GABRE: variants seen among roughly 807,000 people sequenced by gnomAD.
The protein encoded by GABRE is gamma-aminobutyric acid receptor subunit epsilon.
Under a neutral mutation model 31.0 loss-of-function variants are expected in GABRE, and 20 were observed. The ratio of observed to expected loss-of-function variants is 0.64; its 90% CI spans 0.45 to 0.94. GABRE has a LOEUF of 0.94. Ranked by LOEUF, GABRE falls within the 40% of genes least tolerant of loss-of-function variation. GABRE has a pLI of 0.00. For synonymous variants in GABRE, 155 were observed against 150.6 expected (o/e 1.03, Z -0.21); for missense variants, 420 against 410.7 (o/e 1.02, Z -0.20).
intron 5 of GABRE, among the ~76,000 whole-genome samples, chrX:151,960,932 G>A (rs1217532160): frequency 9.0e-6 from 1 of 111,640 alleles, no homozygotes; most frequent in Non-Finnish European, 1.9e-5. Flanking sequence ...CACTTGTTTT[G>A]GTGGTAGAGG....
intron 3 of GABRE, among the ~76,000 whole-genome samples, chrX:151,965,440 T>C (rs1300499527): frequency 9.0e-6 from 1 of 111,215 alleles, no homozygotes; most frequent in African/African-American, 3.3e-5. Context: ...AAAAAAACCC[T>C]ACTGCAATAG....
At chrX:151,964,716 T>TG (rs1330444371) in intron 3 of GABRE, among the ~76,000 whole-genome samples, 2 of 111,854 alleles carry the variant, frequency 1.8e-5, no homozygotes, top group East Asian at 5.6e-4. Flanking sequence ...AGCTTTTATT[T>TG]GGGGAGCACC....
rs74871311 is a variant in GABRE at position 151,955,510 on chromosome X, G to A, written c.995C>T (p.Pro332Leu). ...TLGTFSRKNF[P>L]RVSYITALDF... ...CAAGGCTGTGATATAGGAGACACGC[G>A]GGAAATTCTTACGAGAAAAGGTGCC... The change falls in exon 8 of 9, where the codon CCG becomes CTG. Residue 332 changes from proline to leucine, a missense_variant. By Grantham distance (98) the Pro-to-Leu change is moderately conservative (BLOSUM62 -3). Coordinates refer to ENST00000370328, the MANE Select transcript of GABRE (RefSeq NM_004961.4). 12 of 1,210,233 alleles carry A rather than the reference G, an allele frequency of 9.9e-6. No homozygotes were observed. Among genetic ancestry groups the A allele is most frequent in the South Asian group, 1.8e-5 (1 of 56,840 alleles).
chrX:151,961,059 A>G (rs1187751964), intron 5 of GABRE, among the ~76,000 whole-genome samples: 1 of 111,459 alleles, frequency 9.0e-6, no homozygotes, highest in Non-Finnish European at 1.9e-5. Context: ...GTGGAGATGG[A>G]GAGGAGCAGA....
Position 151,954,775 on chromosome X carries a change from A to G in GABRE, c.1447T>C (p.Tyr483His). 2 of 1,211,514 alleles carry G rather than the reference A, an allele frequency of 1.7e-6. No individual in the cohort carries two copies. The highest frequency in any genetic ancestry group is 2.2e-6 in the Non-Finnish European group (2 of 895,135). ...LCIHVYRLDNYSRVVFPVTFF... is the reference protein window; with the variant it reads ...LCIHVYRLDNHSRVVFPVTFF... ...GTCACTGGGAAAACAACTCTCGAGTAGTTATCCAGGCGGTAGACATGGATG... is the reference window on the plus strand; with the variant it reads ...GTCACTGGGAAAACAACTCTCGAGTGGTTATCCAGGCGGTAGACATGGATG... Residue 483 changes from tyrosine to histidine, a missense_variant, in exon 9 of 9, where the codon TAC (tyrosine) becomes CAC (histidine). By Grantham distance (83) the Tyr-to-His change is moderately conservative. Coordinates refer to ENST00000370328, the MANE Select transcript of GABRE (RefSeq NM_004961.4).
chrX:151,968,625 C>T (rs920126821), intron 3 of GABRE, among the ~76,000 whole-genome samples: 13 of 111,756 alleles, frequency 1.2e-4, no homozygotes, highest in Admixed American at 5.7e-4. Context: ...TTGTTTGCCC[C>T]GGGCCAAGCC....
At chrX:151,961,419 C>T in intron 4 of GABRE, 54 bp from the exon 5 acceptor site, 1 of 868,002 alleles carries the variant, frequency 1.2e-6, no homozygotes. Context: ...TCCGTATCCA[C>T]CCAGCTTTGG....
At chrX:151,971,246 A>G in intron 1 of GABRE, 1 of 352,223 alleles carries the variant, frequency 2.8e-6, no homozygotes, top group Non-Finnish European at 5.2e-6. Context: ...CTTTCTTTAC[A>G]CCGCTGTGGT....
At chrX:151,973,941 G>T (rs139717262) in intron 1 of GABRE, among the ~76,000 whole-genome samples, 1 of 111,202 alleles carries the variant, frequency 9.0e-6, no homozygotes, top group African/African-American at 3.3e-5. Flanking sequence ...TGGAGAGGGG[G>T]CATAGCTGGT....
chrX:151,970,061 TCA>T, intron 2 of GABRE, 122 bp downstream of exon 2: 1 of 1,135,831 alleles, frequency 8.8e-7, no homozygotes. Context: ...ACCTGACAGG[TCA>T]ATAGCAGATG....
At chrX:151,969,934 A>C in intron 2 of GABRE, 198 bp from the exon 3 acceptor site, 1 of 1,071,293 alleles carries the variant, frequency 9.3e-7, no homozygotes, top group Non-Finnish European at 1.2e-6. Context: ...ACACATCTTG[A>C]AGATCAACAA....
At chrX:151,956,130 G>A in intron 6 of GABRE, 1 of 328,472 alleles carries the variant, frequency 3.0e-6, no homozygotes, top group Non-Finnish European at 5.3e-6. Context: ...GTCTGTCTCT[G>A]CAGGTTGGCA....
At chrX:151,964,638 C>T (rs775396255) in intron 3 of GABRE, among the ~76,000 whole-genome samples, 18 of 111,219 alleles carry the variant, frequency 1.6e-4, no homozygotes, top group African/African-American at 5.6e-4. Flanking sequence ...AAGATCCCAG[C>T]TCAAAATTGT....
chrX:151,959,774 T>C (rs2471384), intron 6 of GABRE, 65 bp downstream of exon 6: 1 of 1,109,248 alleles, frequency 9.0e-7, no homozygotes, highest in African/African-American at 1.8e-5. Context: ...AGCATTTGTA[T>C]GGATGGCCAT....
In GABRE at chrX:151,953,633, T is replaced by A. The variant is rs952976782; in HGVS notation, c.*1068A>T. 1 of 112,427 alleles carries A rather than the reference T, an allele frequency of 8.9e-6. No homozygotes were observed. Among genetic ancestry groups the A allele is most frequent in the African/African-American group, 3.2e-5 (1 of 30,874 alleles). 9.3% of individuals were successfully genotyped at this position (112,427 alleles called of 1,213,427 possible). On this transcript the variant is annotated 3_prime_UTR_variant, in exon 9 of 9. Coordinates refer to ENST00000370328, the MANE Select transcript of GABRE (RefSeq NM_004961.4). The stretch of plus-strand genomic sequence containing the variant: ...GTGCTTTGCCAAAGTTCCAGTGCCA[T>A]ACAAATTTAAGGGAATTTGATTGAT...
chrX:151,954,528 T>C lies in GABRE; in HGVS notation c.*173A>G, dbSNP rs1255857689. On this transcript the variant is annotated 3_prime_UTR_variant, in exon 9 of 9. Coordinates refer to ENST00000370328, the MANE Select transcript of GABRE (RefSeq NM_004961.4). Reference sequence around the variant, plus strand: ...GAGAAGACTCAGTGAATGGGCCAGGTAGGGGAGAGGGGCAGCAAAGACAAA... The same window carrying C: ...GAGAAGACTCAGTGAATGGGCCAGGCAGGGGAGAGGGGCAGCAAAGACAAA... The C allele has an allele frequency of 2.1e-5, 9 of 432,145 alleles. No homozygotes were observed. In the East Asian group the frequency reaches 3.1e-4, roughly 15 times the overall value. 35.6% of individuals were successfully genotyped at this position (432,145 alleles called of 1,213,427 possible).
chrX:151,958,707 C>T (rs1174544708), intron 6 of GABRE: 7 of 326,849 alleles, frequency 2.1e-5, no homozygotes, highest in African/African-American at 1.1e-4. Context: ...CCCACCTATC[C>T]GGGAAAAGCT....
intron 1 of GABRE, among the ~76,000 whole-genome samples, chrX:151,973,978 C>G (rs764721443): frequency 9.9e-5 from 11 of 111,236 alleles, no homozygotes; most frequent in African/African-American, 3.3e-4. Flanking sequence ...TAAACCAAAG[C>G]TCGTGCCTGA....
chrX:151,955,538 A>T lies in GABRE; in HGVS notation c.967T>A (p.Leu323Met). The T allele has an allele frequency of 6.6e-6, 8 of 1,211,856 alleles. No individual in the cohort carries two copies. Among genetic ancestry groups the T allele is most frequent in the Non-Finnish European group, 8.9e-6 (8 of 895,369 alleles). The part of the protein sequence containing the change: ...GITSVLTMTT[L>M]GTFSRKNFPR... ...AAATTCTTACGAGAAAAGGTGCCCA[A>T]CGTGGTCATGGTCAGAACAGAGGTG... Residue 323 changes from leucine (L) to methionine (M), a missense_variant, in exon 8 of 9, where the codon TTG becomes ATG. Physicochemically the swap from Leu to Met is conservative, Grantham distance 15. Transcript: ENST00000370328.
Sources: gnomAD v4.1 joint callset for allele counts (sites outside exome capture counted in the v4.1 genomes callset) on GRCh38, gnomAD v4.1.1 for gene constraint, MANE v1.5 for transcripts, NCBI Gene and HGNC (gene_info 2026-07-23, HGNC 2026-07-21) for gene names.